NFILZ: variants seen among roughly 807,000 people sequenced by gnomAD.
NFILZ encodes NFIL3 like protein.
In NFILZ at chr19:8,678,987, C is replaced by T. The variant is rs2043132169; in HGVS notation, c.*1352C>T. On this transcript the variant is annotated 3_prime_UTR_variant, in exon 6 of 6. Transcript: ENST00000691075. ...GTAACGTCTAGGGTGTCTGAATCCC[C>T]CTTCTTGGTGTCCCCTGGGGGGCTT... Among the ~76,000 whole-genome samples, 1 of 152,094 alleles carries T rather than the reference C, an allele frequency of 6.6e-6. No homozygotes were observed. Among genetic ancestry groups the T allele is most frequent in the African/African-American group, 2.4e-5 (1 of 41,406 alleles).
At chr19:8,637,302 A>G (rs1277077037) in intron 3 of NFILZ, among the ~76,000 whole-genome samples, 2 of 151,838 alleles carry the variant, frequency 1.3e-5, no homozygotes, top group Non-Finnish European at 2.9e-5. Context: ...CTGAGATCAC[A>G]CCACTGCACT....
At chr19:8,663,750 G>GTGTGTGTGTGTGTGTGTGTATGTGTGTA (rs2043047257) in intron 3 of NFILZ, among the ~76,000 whole-genome samples, 15,928 of 136,448 alleles carry the variant, frequency 0.12, 1,194 homozygotes, top group South Asian at 0.17. Flanking sequence ...GTGTGTGTGT[G>GTGTGTGTGTGTGTGTGTGTATGTGTGTA]TGTGTGTGTG....
chr19:8,633,312 G>A (rs963091964), intron 2 of NFILZ, among the ~76,000 whole-genome samples: 1 of 152,074 alleles, frequency 6.6e-6, no homozygotes, highest in Non-Finnish European at 1.5e-5. Flanking sequence ...GGAAGCCAAC[G>A]CGCCCGGCCT....
chr19:8,645,300 ATTTTTTTTT>A (rs35280185), intron 3 of NFILZ, among the ~76,000 whole-genome samples: 5 of 118,082 alleles, frequency 4.2e-5, no homozygotes, highest in Non-Finnish European at 7.3e-5. Context: ...CACCTGGGTG[ATTTTTTTTT>A]TTTTTTTTTT....
intron 3 of NFILZ, among the ~76,000 whole-genome samples, chr19:8,652,183 A>T (rs868971616): frequency 8.2e-5 from 12 of 146,052 alleles, no homozygotes; most frequent in African/African-American, 3.1e-4. Flanking sequence ...GCTCACTGCC[A>T]GCTCCGCTTC....
chr19:8,648,793 G>T (rs542097489), intron 3 of NFILZ, among the ~76,000 whole-genome samples: 8 of 149,926 alleles, frequency 5.3e-5, no homozygotes, highest in Admixed American at 3.3e-4. Flanking sequence ...GTGGAGATTT[G>T]CAGTGAGTCA....
chr19:8,656,965 T>C (rs1568421867), intron 3 of NFILZ, among the ~76,000 whole-genome samples: 1 of 151,872 alleles, frequency 6.6e-6, no homozygotes, highest in South Asian at 2.1e-4. Flanking sequence ...GTCTTTGTCC[T>C]GGGGGTTGTC....
At chr19:8,642,164 C>T (rs940195366) in intron 3 of NFILZ, among the ~76,000 whole-genome samples, 27 of 148,294 alleles carry the variant, frequency 1.8e-4, no homozygotes, top group Admixed American at 2.0e-4. Context: ...TTTTTATCAC[C>T]GTTCTCTTTT....
At chr19:8,656,976 T>C (rs2043006924) in intron 3 of NFILZ, among the ~76,000 whole-genome samples, 1 of 152,008 alleles carries the variant, frequency 6.6e-6, no homozygotes, top group Non-Finnish European at 1.5e-5. Flanking sequence ...GGGGGTTGTC[T>C]GTGGTTGGCG....
intron 3 of NFILZ, among the ~76,000 whole-genome samples, chr19:8,660,289 A>G (rs1294153532): frequency 6.6e-6 from 1 of 152,084 alleles, no homozygotes; most frequent in Non-Finnish European, 1.5e-5. Context: ...ACATTCCTTC[A>G]TTCAACAAAC....
intron 4 of NFILZ, among the ~76,000 whole-genome samples, 171 bp downstream of exon 4, chr19:8,674,771 A>G (rs112930431): frequency 0.011 from 1,711 of 152,252 alleles, 29 homozygotes; most frequent in African/African-American, 0.039. Context: ...TCTGTCAAAC[A>G]TGACCTGAAT....
intron 3 of NFILZ, among the ~76,000 whole-genome samples, chr19:8,656,495 C>T (rs868987673): frequency 3.8e-4 from 40 of 104,640 alleles, no homozygotes; most frequent in Non-Finnish European, 5.1e-4. Flanking sequence ...CCCACCTTCT[C>T]CCGCAGCCCA....
chr19:8,646,739 C>G (rs1555747098), intron 3 of NFILZ, among the ~76,000 whole-genome samples: 1 of 152,194 alleles, frequency 6.6e-6, no homozygotes, highest in African/African-American at 2.4e-5. Flanking sequence ...CTCTTTGTCC[C>G]TCCAATTTGC....
At chr19:8,674,380 C>G (rs1322965816) in intron 3 of NFILZ, among the ~76,000 whole-genome samples, 171 bp from the exon 4 acceptor site, 2 of 152,080 alleles carry the variant, frequency 1.3e-5, no homozygotes, top group African/African-American at 4.8e-5. Flanking sequence ...TTTGTGAAGG[C>G]TGGGAGGCAG....
chr19:8,639,582 C>T (rs1555746450), intron 3 of NFILZ, among the ~76,000 whole-genome samples: 1 of 149,902 alleles, frequency 6.7e-6, no homozygotes, highest in Non-Finnish European at 1.5e-5. Context: ...CAGAGCCAGA[C>T]CATCTCTTAA....
In NFILZ at chr19:8,653,034, TTCTTTCTCTCTCTCTCTC is replaced by T. The variant is rs1463233796; in HGVS notation, c.-164+17292_-164+17309del. 5.6e-4 allele frequency among the ~76,000 whole-genome samples: 32 copies of T among 57,498 alleles called. 1 individual carries two copies. The highest frequency in any genetic ancestry group is 1.9e-3 in the African/African-American group (30 of 15,652). 37.7% of individuals were successfully genotyped at this position (57,498 alleles called of 152,430 possible). ...TTCCTTTCTTTCTTTCTTTCTTTCTTTCTTTCTCTCTCTCTCTCTCTCTCTCTCTCTCTCTCTCTCTCT... is the reference window on the plus strand; with the variant it reads ...TTCCTTTCTTTCTTTCTTTCTTTCTTTCTCTCTCTCTCTCTCTCTCTCTCT... On this transcript the variant is annotated intron_variant, in intron 3 of 5. Coordinates refer to ENST00000691075, the MANE Select transcript of NFILZ (RefSeq NM_001378600.1).
intron 3 of NFILZ, among the ~76,000 whole-genome samples, chr19:8,643,746 G>A (rs1160485114): frequency 1.3e-5 from 2 of 151,942 alleles, no homozygotes; most frequent in Non-Finnish European, 2.9e-5. Context: ...AATCTTCCTG[G>A]GTCTTCAGCT....
rs1340888532 is a variant in NFILZ at position 8,648,203 on chromosome 19, AG to A, written c.-164+12460del. Among the ~76,000 whole-genome samples the A allele has an allele frequency of 2.0e-5, 3 of 147,846 alleles. No individual in the cohort carries two copies. The East Asian group carries it at 5.9e-4, about 29-fold the overall frequency. ...AAAAAAAAAAAAAAAAAGGAAAAAT[AG>A]GGAATGCCGGGCTTAATACCTAGGC... On this transcript the variant is annotated intron_variant, in intron 3 of 5. Coordinates refer to ENST00000691075, the MANE Select transcript of NFILZ (RefSeq NM_001378600.1).
intron 3 of NFILZ, among the ~76,000 whole-genome samples, chr19:8,663,754 G>GTGTGTGTGTGTGTGTGTGTA (rs2043047886): frequency 8.5e-6 from 1 of 117,542 alleles, no homozygotes. Context: ...GTGTGTGTGT[G>GTGTGTGTGTGTGTGTGTGTA]TGTGTGTGTG....
Sources: gnomAD v4.1 joint callset for allele counts (sites outside exome capture counted in the v4.1 genomes callset) on GRCh38, gnomAD v4.1.1 for gene constraint, MANE v1.5 for transcripts, NCBI Gene and HGNC (gene_info 2026-07-23, HGNC 2026-07-21) for gene names.